The following AGPAT4 variants were observed in gnomAD, a reference collection of about 807,000 sequenced individuals.
AGPAT4 encodes 1-acylglycerol-3-phosphate O-acyltransferase 4.
In AGPAT4, 15 loss-of-function variants were observed where a neutral mutation model predicts 48.0. The ratio of observed to expected loss-of-function variants is 0.31; its 90% CI spans 0.21 to 0.48. The LOEUF (loss-of-function observed/expected upper bound fraction) is 0.48, where lower values mean the gene tolerates loss of function less well. Ranked by LOEUF, AGPAT4 falls within the 20% of genes least tolerant of loss-of-function variation. The probability of loss-of-function intolerance (pLI) is 0.99; values close to 1 mark genes in which losing one functional copy is unlikely to be tolerated. For synonymous variants in AGPAT4, 178 were observed against 198.7 expected, an observed-to-expected ratio of 0.90 and a Z score of 0.88; for missense variants, 314 against 482.5, an observed-to-expected ratio of 0.65 and a Z score of 3.27.
At chr6:161,190,465 A>C (rs960114666) in intron 2 of AGPAT4, among the ~76,000 whole-genome samples, 4 of 152,134 alleles carry the variant, frequency 2.6e-5, no homozygotes, top group Non-Finnish European at 5.9e-5. Flanking sequence ...AAAAAGGTTA[A>C]AGAAAATACA....
rs986033832 is a variant in AGPAT4 at position 161,219,455 on chromosome 6, G to A, written c.178+12581C>T. Among the ~76,000 whole-genome samples, 5 of 151,778 alleles carry A rather than the reference G, an allele frequency of 3.3e-5. No homozygotes were observed. The highest frequency in any genetic ancestry group is 6.6e-5 in the Admixed American group (1 of 15,196). ...TTTCTATACCCCAATGGCTTGTCTTGTTTACCTCCTGGAAATATCCACTGC... is the reference window on the plus strand; with the variant it reads ...TTTCTATACCCCAATGGCTTGTCTTATTTACCTCCTGGAAATATCCACTGC... On this transcript the variant is annotated intron_variant, in intron 2 of 8. Transcript: ENST00000320285. The surrounding 1 kb of genome is among the most constrained non-coding windows in gnomAD (Gnocchi z 4.9).
chr6:161,209,976 T>C (rs1781480426), intron 2 of AGPAT4, among the ~76,000 whole-genome samples: 1 of 152,208 alleles, frequency 6.6e-6, no homozygotes, highest in Non-Finnish European at 1.5e-5. Flanking sequence ...GAGGTTATTC[T>C]TGGATTTTTA....
At position 161,153,484 on chromosome 6, in the gene AGPAT4, C is replaced by T. The variant is rs1779651451; in HGVS notation, c.526G>A (p.Glu176Lys). ...TTCTTCTCCGTGAACCGTGTGCCCT[C>T]ACAGTGAATCAGGAACTGGAAGGAA... Reference protein sequence around the residue: ...PEKYFFLIHCEGTRFTEKKHE... With the variant: ...PEKYFFLIHCKGTRFTEKKHE... The change falls in exon 5 of 9, where the codon GAG becomes AAG. Residue 176 changes from glutamate (E) to lysine (K), a missense_variant. Transcript: ENST00000320285. 6.2e-7 allele frequency: 1 copy of T among 1,613,584 alleles called. No homozygotes were observed. The highest frequency in any genetic ancestry group is 1.1e-5 in the South Asian group (1 of 90,892).
intron 1 of AGPAT4, among the ~76,000 whole-genome samples, chr6:161,241,098 A>G (rs6912902): frequency 0.021 from 3,168 of 151,902 alleles, 118 homozygotes; most frequent in African/African-American, 0.072. Flanking sequence ...CCCCATCTCT[A>G]CTAAAAATAC....
rs564003835 is a variant in AGPAT4, at chr6:161,229,633, G to A, written c.178+2403C>T. Among the ~76,000 whole-genome samples the A allele has an allele frequency of 1.1e-4, 17 of 152,194 alleles. No homozygotes were observed. Among genetic ancestry groups the A allele is most frequent in the African/African-American group, 3.9e-4 (16 of 41,540 alleles). ...CCTGGCGAGGATTCTCTCAAACCTGGGGATAGTTTGCACTGGCTTATCACC... is the reference window on the plus strand; with the variant it reads ...CCTGGCGAGGATTCTCTCAAACCTGAGGATAGTTTGCACTGGCTTATCACC... On this transcript the variant is annotated intron_variant, in intron 2 of 8. Coordinates refer to ENST00000320285, the MANE Select transcript of AGPAT4 (RefSeq NM_020133.3). The surrounding 1 kb of genome is among the most constrained non-coding windows in gnomAD (Gnocchi z 6.0).
chr6:161,264,888 C>T lies in AGPAT4; in HGVS notation c.-90+9050G>A, dbSNP rs1160779354. ...GGACTAGTTATGGGACCCCTAGAGT[C>T]CCCCAGGGCTGGGGAGCTGAAGCCT... On this transcript the variant is annotated intron_variant, in intron 1 of 8. Coordinates refer to ENST00000320285, the MANE Select transcript of AGPAT4 (RefSeq NM_020133.3). The surrounding 1 kb of genome is among the most constrained non-coding windows in gnomAD (Gnocchi z 6.8). Among the ~76,000 whole-genome samples, 1 of 152,030 alleles carries T rather than the reference C, an allele frequency of 6.6e-6. No homozygotes were observed. The highest frequency in any genetic ancestry group is 1.5e-5 in the Non-Finnish European group (1 of 67,962).
In AGPAT4 at chr6:161,240,709, C is replaced by G. The variant is rs1782458652; in HGVS notation, c.-89-8407G>C. Among the ~76,000 whole-genome samples, 1 of 152,010 alleles carries G rather than the reference C, an allele frequency of 6.6e-6. No individual in the cohort carries two copies. The highest frequency in any genetic ancestry group is 1.5e-5 in the Non-Finnish European group (1 of 67,992). ...CAGGAGAAAGGAGGGAGCTGGTGTC[C>G]AGCACACACTACATTCAGATTGCCA... is the stretch of plus-strand genomic sequence containing the variant. On this transcript the variant is annotated intron_variant, in intron 1 of 8. Coordinates refer to ENST00000320285, the MANE Select transcript of AGPAT4 (RefSeq NM_020133.3). The surrounding 1 kb of genome is among the most constrained non-coding windows in gnomAD (Gnocchi z 5.5).
At chr6:161,258,834 T>C (rs1186622559) in intron 1 of AGPAT4, among the ~76,000 whole-genome samples, 6 of 151,390 alleles carry the variant, frequency 4.0e-5, no homozygotes, top group Non-Finnish European at 8.8e-5. Context: ...TCTCACTCTA[T>C]CGCCCAGGCT....
In AGPAT4 at chr6:161,212,357, T is replaced by C. The variant is rs1197557506; in HGVS notation, c.178+19679A>G. On this transcript the variant is annotated intron_variant, in intron 2 of 8. Transcript: ENST00000320285. The surrounding 1 kb of genome is among the most constrained non-coding windows in gnomAD (Gnocchi z 6.1). ...TTAAATGAATGACCCTATTTTATGA[T>C]ATCAATAGTATTAAACCTTTGTTAT... 6.6e-6 allele frequency among the ~76,000 whole-genome samples: 1 copy of C among 152,196 alleles called. No homozygotes were observed. Among genetic ancestry groups the C allele is most frequent in the East Asian group, 1.9e-4 (1 of 5,194 alleles).
At chr6:161,256,120 C>T (rs925468240) in intron 1 of AGPAT4, among the ~76,000 whole-genome samples, 3 of 152,308 alleles carry the variant, frequency 2.0e-5, no homozygotes, top group Non-Finnish European at 2.9e-5. Flanking sequence ...CAGGATGTTA[C>T]TGCCCACCAC....
chr6:161,154,239 C>T lies in AGPAT4; in HGVS notation c.420G>A (p.Glu140=), dbSNP rs1267366659. Residue 140 remains glutamate, a synonymous_variant, in exon 4 of 9, where the codon GAG becomes GAA. Transcript: ENST00000320285. This position sits in a 1 kb window ranked among gnomAD's most constrained non-coding sequence, Gnocchi z 7.8. ...PIIGWMWYFT[E]MVFCSRKWEQ... ...CCCACTTGCGCGAACAGAAGACCAT[C>T]TCGGTGAAGTACCACATCCAGCCGA... is the stretch of plus-strand genomic sequence containing the variant. 6.2e-7 allele frequency: 1 copy of T among 1,614,074 alleles called. No individual in the cohort carries two copies. The highest frequency in any genetic ancestry group is 8.5e-7 in the Non-Finnish European group (1 of 1,180,052).
rs1021905923 is a variant in AGPAT4, at chr6:161,171,679, G to C, written c.179-5262C>G. On this transcript the variant is annotated intron_variant, in intron 2 of 8. Coordinates refer to ENST00000320285, the MANE Select transcript of AGPAT4 (RefSeq NM_020133.3). The surrounding 1 kb of genome is among the most constrained non-coding windows in gnomAD (Gnocchi z 4.4). ...CCAAGGCAGGCAGATCACAAGGTCA[G>C]GAGATCGAGACCATCCTGGCTAACA... is the stretch of plus-strand genomic sequence containing the variant. Among the ~76,000 whole-genome samples the C allele has an allele frequency of 6.6e-6, 1 of 151,876 alleles. No individual in the cohort carries two copies.
chr6:161,269,270 C>T (rs1015826543), intron 1 of AGPAT4, among the ~76,000 whole-genome samples: 6 of 152,150 alleles, frequency 3.9e-5, no homozygotes, highest in Non-Finnish European at 5.9e-5. Context: ...AGAAATTCCA[C>T]TCTTCCCATT....
At chr6:161,213,956 T>A (rs1781580918) in intron 2 of AGPAT4, among the ~76,000 whole-genome samples, 1 of 152,100 alleles carries the variant, frequency 6.6e-6, no homozygotes, top group African/African-American at 2.4e-5. Flanking sequence ...AAGGAAAATA[T>A]CTTAGGCCCC....
At chr6:161,224,959 C>T (rs1167957087) in intron 2 of AGPAT4, among the ~76,000 whole-genome samples, 1 of 152,154 alleles carries the variant, frequency 6.6e-6, no homozygotes, top group East Asian at 1.9e-4. Context: ...TTAACTTCCT[C>T]GTAAAGCAAC....
chr6:161,145,111 G>C (rs1331163910), intron 7 of AGPAT4, among the ~76,000 whole-genome samples: 1 of 151,756 alleles, frequency 6.6e-6, no homozygotes, highest in Non-Finnish European at 1.5e-5. Flanking sequence ...CTGTTTCTCT[G>C]TCGGGGCACA....
intron 2 of AGPAT4, among the ~76,000 whole-genome samples, chr6:161,205,415 A>G (rs898076619): frequency 6.6e-6 from 1 of 152,086 alleles, no homozygotes; most frequent in African/African-American, 2.4e-5. Flanking sequence ...CTGAACGATA[A>G]CTCAGGCACT....
chr6:161,156,321 G>C (rs1032667024), intron 3 of AGPAT4, among the ~76,000 whole-genome samples: 1 of 152,164 alleles, frequency 6.6e-6, no homozygotes, highest in African/African-American at 2.4e-5. Flanking sequence ...TCTTGTCCAT[G>C]TGCCTATTGT....
intron 2 of AGPAT4, among the ~76,000 whole-genome samples, chr6:161,181,187 C>T (rs562700246): frequency 6.6e-6 from 1 of 152,258 alleles, no homozygotes; most frequent in East Asian, 1.9e-4. Flanking sequence ...GTTAAGTGGG[C>T]CCCAGCAACG....
Sources: gnomAD v4.1 joint callset for allele counts (sites outside exome capture counted in the v4.1 genomes callset) on GRCh38, gnomAD v4.1.1 for gene constraint, Gnocchi (gnomAD v3.1) non-coding constraint, MANE v1.5 for transcripts, NCBI Gene and HGNC (gene_info 2026-07-23, HGNC 2026-07-21) for gene names.